Variants in SVOPL observed in about 807,000 individuals in gnomAD.
SVOPL encodes SVOP like.
A neutral mutation model predicts 61.0 loss-of-function variants in SVOPL; 60 were observed. The ratio of observed to expected loss-of-function variants is 0.98; its 90% CI spans 0.80 to 1.22. The LOEUF (loss-of-function observed/expected upper bound fraction) is 1.22. Among genes scored for constraint, SVOPL ranks in the 50% most tolerant of loss-of-function variants. The pLI is 0.00. For synonymous variants in SVOPL, 279 were observed against 250.0 expected, an observed-to-expected ratio of 1.12 and a Z score of -1.09; for missense variants, 662 against 643.9, an observed-to-expected ratio of 1.03 and a Z score of -0.30.
At chr7:138,695,970 C>G (rs2117148397) in intron 1 of SVOPL, among the ~76,000 whole-genome samples, 1 of 152,042 alleles carries the variant, frequency 6.6e-6, no homozygotes, top group East Asian at 1.9e-4. Context: ...TTAGTAGAGA[C>G]AGGGTTTCAC....
At chr7:138,596,764 T>G in intron 14 of SVOPL, 1 of 1,174,174 alleles carries the variant, frequency 8.5e-7, no homozygotes, top group African/African-American at 1.6e-5. Context: ...GTAAGACCTC[T>G]CTTGGCATCC....
chr7:138,610,639 C>T (rs542365065), intron 14 of SVOPL, among the ~76,000 whole-genome samples: 11 of 152,300 alleles, frequency 7.2e-5, no homozygotes, highest in South Asian at 4.1e-4. Context: ...TCTCCTTGAC[C>T]GAACCCTAGC....
Position 138,678,971 on chromosome 7 carries a change from C to T in SVOPL, c.75G>A (p.Gln25=). The T allele has an allele frequency of 6.4e-7, 1 of 1,551,596 alleles. No individual in the cohort carries two copies. Among genetic ancestry groups the T allele is most frequent in the Non-Finnish European group, 8.7e-7 (1 of 1,146,928 alleles). Reference sequence around the variant, plus strand: ...CTTCTATGATAATCTCACCTTTAACCTGTGGCTCTGCGGTCCCCAGGCTCA... The same window carrying T: ...CTTCTATGATAATCTCACCTTTAACTTGTGGCTCTGCGGTCCCCAGGCTCA... ...RKLSLGTAEP[Q]VKEPKTFTVE... Residue 25 remains glutamine, a synonymous_variant, in exon 2 of 16, where the codon CAG becomes CAA. Transcript: ENST00000674285.
At chr7:138,648,923 A>C in intron 8 of SVOPL, 89 bp downstream of exon 8, 1 of 1,576,656 alleles carries the variant, frequency 6.3e-7, no homozygotes, top group Admixed American at 1.8e-5. Flanking sequence ...CTCTGTCTCG[A>C]GGGGGAAAAT....
chr7:138,638,216 T>C (rs998800016), intron 9 of SVOPL, among the ~76,000 whole-genome samples: 4 of 143,646 alleles, frequency 2.8e-5, no homozygotes, highest in Non-Finnish European at 5.9e-5. Context: ...GAGGTTTCAG[T>C]GTGCCGAGAT....
In SVOPL at chr7:138,594,522, G is replaced by A; in HGVS notation, c.*88C>T. On this transcript the variant is annotated 3_prime_UTR_variant, in exon 16 of 16. Transcript: ENST00000674285. ...TTTACTAATTACCGAGTAGCATACAGAAGTAAAACCAAGTTTTAAAAAAAT... is the reference window on the plus strand; with the variant it reads ...TTTACTAATTACCGAGTAGCATACAAAAGTAAAACCAAGTTTTAAAAAAAT... 7.7e-7 allele frequency: 1 copy of A among 1,293,820 alleles called. No individual in the cohort carries two copies. The highest frequency in any genetic ancestry group is 1.1e-6 in the Non-Finnish European group (1 of 923,858). The allele number at this position is 1,293,820 out of a possible 1,614,324, so 80.1% of individuals were successfully genotyped here.
intron 3 of SVOPL, among the ~76,000 whole-genome samples, chr7:138,677,917 C>G (rs971944046): frequency 1.3e-5 from 2 of 152,054 alleles, no homozygotes; most frequent in Admixed American, 6.6e-5. Context: ...CACCAGCCAC[C>G]AAGCCCAGCT....
At chr7:138,634,951 G>A (rs373880102) in intron 9 of SVOPL, among the ~76,000 whole-genome samples, 26 of 152,172 alleles carry the variant, frequency 1.7e-4, no homozygotes, top group African/African-American at 5.8e-4. Context: ...GTGACAGAGC[G>A]AGAACCTGTC....
intron 9 of SVOPL, among the ~76,000 whole-genome samples, chr7:138,642,858 CA>C (rs1018791924): frequency 7.7e-6 from 1 of 130,334 alleles, no homozygotes; most frequent in Admixed American, 7.3e-5. Context: ...AAAGAAGAAA[CA>C]AAATTTTTAA....
At chr7:138,680,026 A>G (rs943328867) in intron 1 of SVOPL, among the ~76,000 whole-genome samples, 9 of 152,304 alleles carry the variant, frequency 5.9e-5, no homozygotes, top group African/African-American at 2.2e-4. Context: ...GCCTGGGGCC[A>G]GACGCAGGCC....
At chr7:138,660,456 G>A (rs1801954200) in intron 5 of SVOPL, 1 of 988,272 alleles carries the variant, frequency 1.0e-6, no homozygotes, top group Non-Finnish European at 1.2e-6. Flanking sequence ...CCAACCCAGA[G>A]AAGATAACTC....
intron 3 of SVOPL, among the ~76,000 whole-genome samples, chr7:138,677,110 T>C (rs1449183168): frequency 2.0e-5 from 3 of 152,096 alleles, no homozygotes; most frequent in Non-Finnish European, 4.4e-5. Context: ...TTCACCATGT[T>C]AGCCAGGATG....
At chr7:138,625,867 A>C in intron 13 of SVOPL, 102 bp downstream of exon 13, 1 of 1,162,980 alleles carries the variant, frequency 8.6e-7, no homozygotes, top group Admixed American at 2.5e-5. Context: ...TTAGAAAATC[A>C]TCAAAAGTCA....
Position 138,628,423 on chromosome 7 carries a change from G to A in SVOPL, c.864-60C>T, listed in dbSNP as rs1584801192. 4.5e-6 allele frequency: 7 copies of A among 1,552,922 alleles called. No homozygotes were observed. In the East Asian group the frequency reaches 1.6e-4, roughly 35 times the overall value. On this transcript the variant is annotated intron_variant, in intron 10 of 15. Coordinates refer to ENST00000674285, the MANE Select transcript of SVOPL (RefSeq NM_001139456.2). ...TGACACCAGACCTGAAGGATGAGTGGGGAGGGGATACCAAGTGGAACGTGT... is the reference window on the plus strand; with the variant it reads ...TGACACCAGACCTGAAGGATGAGTGAGGAGGGGATACCAAGTGGAACGTGT...
chr7:138,678,635 G>C, intron 2 of SVOPL, 110 bp from the exon 3 acceptor site: 2 of 1,068,452 alleles, frequency 1.9e-6, no homozygotes, highest in South Asian at 3.1e-5. Context: ...GTTAATACGG[G>C]GGGTCAGTGG....
At chr7:138,667,322 C>A (rs972218862) in intron 4 of SVOPL, among the ~76,000 whole-genome samples, 2 of 152,154 alleles carry the variant, frequency 1.3e-5, no homozygotes, top group Non-Finnish European at 2.9e-5. Context: ...AGATGCATAT[C>A]CTCCTATAAA....
At chr7:138,599,158 C>CAAAA (rs1563078186) in intron 14 of SVOPL, among the ~76,000 whole-genome samples, 13 of 100,808 alleles carry the variant, frequency 1.3e-4, no homozygotes, top group South Asian at 6.9e-4. Context: ...AAAAAAAAAA[C>CAAAA]CAAAAAAAAA....
At chr7:138,664,745 T>C (rs1247888088) in intron 4 of SVOPL, among the ~76,000 whole-genome samples, 2 of 148,612 alleles carry the variant, frequency 1.3e-5, no homozygotes, top group Non-Finnish European at 3.0e-5. Context: ...TGATCCTCTC[T>C]TGCGCCCTTC....
chr7:138,626,097 A>G, intron 12 of SVOPL, 47 bp from the exon 13 acceptor site: 1 of 1,564,238 alleles, frequency 6.4e-7, no homozygotes, highest in Non-Finnish European at 8.8e-7. Context: ...AGCATGGAGG[A>G]CCACCTCCAG....
Sources: allele counts gnomAD v4.1 joint callset (sites outside exome capture counted in the v4.1 genomes callset), GRCh38; gene constraint gnomAD v4.1.1; transcripts MANE v1.5; gene names NCBI Gene and HGNC (gene_info 2026-07-23, HGNC 2026-07-21).